Variants in SLC26A5 observed in about 807,000 individuals in gnomAD.
SLC26A5 encodes the protein solute carrier family 26 member 5, also known as prestin.
SLC26A5 carries 51 observed loss-of-function variants against 81.0 expected under a neutral mutation model. The ratio of observed to expected loss-of-function variants is 0.63; its 90% CI spans 0.50 to 0.80. The LOEUF (loss-of-function observed/expected upper bound fraction) is 0.80. Ranked by LOEUF, SLC26A5 falls within the 30% of genes least tolerant of loss-of-function variation. The pLI, the probability that SLC26A5 is intolerant of heterozygous loss-of-function variation, is 0.00. For missense variants in SLC26A5, 771 were observed against 905.8 expected, an observed-to-expected ratio of 0.85 and a Z score of 1.91; for synonymous variants, 325 against 332.8, an observed-to-expected ratio of 0.98 and a Z score of 0.25.
At chr7:103,416,329 A>T (rs1824905469) in intron 4 of SLC26A5, among the ~76,000 whole-genome samples, 1 of 152,204 alleles carries the variant, frequency 6.6e-6, no homozygotes, top group African/African-American at 2.4e-5. Context: ...GGGGACCCCC[A>T]CTTGTCACTA....
intron 14 of SLC26A5, among the ~76,000 whole-genome samples, chr7:103,387,941 C>A (rs148219410): frequency 2.2e-4 from 34 of 152,274 alleles, no homozygotes; most frequent in African/African-American, 7.5e-4. Context: ...CTTGGCCTCC[C>A]AAAGTGCTGG....
At position 103,431,461 on chromosome 7, in the gene SLC26A5, C is replaced by G. The variant is rs565725712; in HGVS notation, c.-53-9894G>C. Reference sequence around the variant, plus strand: ...CCTCAGCCTCTTGAGTAACTGGGATCACAGGCATGTGCCACCACAGCTGGC... The same window carrying G: ...CCTCAGCCTCTTGAGTAACTGGGATGACAGGCATGTGCCACCACAGCTGGC... On this transcript the variant is annotated intron_variant, in intron 2 of 19. Transcript: ENST00000306312. 9.2e-5 allele frequency among the ~76,000 whole-genome samples: 14 copies of G among 152,012 alleles called. No individual in the cohort carries two copies. In the South Asian group the frequency reaches 2.9e-3, roughly 32 times the overall value.
At chr7:103,393,988 T>C (rs756270349) in intron 9 of SLC26A5, among the ~76,000 whole-genome samples, 8 of 152,214 alleles carry the variant, frequency 5.3e-5, no homozygotes, top group Non-Finnish European at 8.8e-5. Flanking sequence ...CCCTGTGAAC[T>C]AGGCACCACT....
At chr7:103,431,421 C>T (rs1043986659) in intron 2 of SLC26A5, among the ~76,000 whole-genome samples, 2 of 151,864 alleles carry the variant, frequency 1.3e-5, no homozygotes, top group South Asian at 2.1e-4. Context: ...CTCCTGCACT[C>T]GAGCTGTTCT....
intron 19 of SLC26A5, among the ~76,000 whole-genome samples, chr7:103,356,302 A>G (rs1405573248): frequency 6.6e-6 from 1 of 152,216 alleles, no homozygotes; most frequent in African/African-American, 2.4e-5. Flanking sequence ...GTTACTATAC[A>G]CAGTGCTGTA....
intron 8 of SLC26A5, among the ~76,000 whole-genome samples, chr7:103,398,866 C>T (rs114845428): frequency 0.038 from 5,855 of 152,104 alleles, 388 homozygotes; most frequent in African/African-American, 0.13. Flanking sequence ...GTGATTCTGG[C>T]TCTTTTGATG....
intron 11 of SLC26A5, 109 bp downstream of exon 11, chr7:103,391,513 A>G (rs777909416): frequency 1.2e-4 from 106 of 848,362 alleles, no homozygotes; most frequent in Non-Finnish European, 2.0e-4. Context: ...TCACTGGAGC[A>G]TGGATCTGCA....
At chr7:103,391,337 T>C (rs2116479392) in intron 11 of SLC26A5, among the ~76,000 whole-genome samples, 1 of 152,370 alleles carries the variant, frequency 6.6e-6, no homozygotes. Context: ...CCATACTCAG[T>C]CTCAGGCTTT....
intron 14 of SLC26A5, among the ~76,000 whole-genome samples, chr7:103,384,810 G>T (rs570694804): frequency 3.3e-5 from 5 of 152,254 alleles, no homozygotes; most frequent in Admixed American, 6.5e-5. Context: ...ATTGATCTTT[G>T]CACAGAGCCA....
At chr7:103,407,825 T>G (rs1375109654) in intron 8 of SLC26A5, 26 bp downstream of exon 8, 1 of 1,613,018 alleles carries the variant, frequency 6.2e-7, no homozygotes, top group South Asian at 1.1e-5. Flanking sequence ...AGAAGCCGAG[T>G]AGGTCACTGA....
chr7:103,444,876 T>A (rs775059627), intron 1 of SLC26A5, among the ~76,000 whole-genome samples: 3 of 152,192 alleles, frequency 2.0e-5, no homozygotes, highest in Non-Finnish European at 4.4e-5. Context: ...CTGAAAGTCT[T>A]CTGATACAAA....
At chr7:103,380,007 T>C (rs1011316686) in intron 15 of SLC26A5, among the ~76,000 whole-genome samples, 5 of 152,008 alleles carry the variant, frequency 3.3e-5, no homozygotes, top group Non-Finnish European at 7.4e-5. Context: ...ACAAAACTAG[T>C]TTTAAAAGAT....
At chr7:103,373,601 G>A (rs1444770804), downstream of SLC26A5, among the ~76,000 whole-genome samples, 2 of 152,198 alleles carry the variant, frequency 1.3e-5, no homozygotes, top group East Asian at 1.9e-4. Flanking sequence ...GACATGACCA[G>A]TTGCAATGTA....
At chr7:103,352,894 G>T in exon 20 of SLC26A5, 1 of 780,762 alleles carries the variant, frequency 1.3e-6, no homozygotes, top group South Asian at 1.3e-5. Context: ...TTTCCCCTAC[G>T]GTCTCCATCT....
intron 19 of SLC26A5, chr7:103,361,948 C>T: frequency 6.3e-7 from 1 of 1,591,362 alleles, no homozygotes; most frequent in African/African-American, 1.4e-5. Flanking sequence ...AAGCTTTTTG[C>T]TGTGTTAGGT....
intron 19 of SLC26A5, among the ~76,000 whole-genome samples, chr7:103,361,510 C>CAAAAAAAAAAAAA (rs759044767): frequency 2.0e-5 from 1 of 51,096 alleles, no homozygotes; most frequent in East Asian, 5.8e-4. Context: ...AACTCCATCT[C>CAAAAAAAAAAAAA]AAAAAAAAAA....
chr7:103,359,441 A>C (rs1820248087), intron 19 of SLC26A5, among the ~76,000 whole-genome samples: 1 of 152,114 alleles, frequency 6.6e-6, no homozygotes, highest in Non-Finnish European at 1.5e-5. Context: ...TCCAGAATAG[A>C]ATATTTTTGT....
chr7:103,411,626 G>C (rs1209150160), intron 5 of SLC26A5, 40 bp from the exon 6 acceptor site: 1 of 1,611,626 alleles, frequency 6.2e-7, no homozygotes, highest in South Asian at 1.1e-5. Flanking sequence ...TCAGGGTTCA[G>C]AGTATCTGAT....
intron 2 of SLC26A5, chr7:103,435,035 G>T (rs1288085107): frequency 6.6e-6 from 1 of 152,204 alleles, no homozygotes; most frequent in African/African-American, 2.4e-5. Flanking sequence ...AAGGAACAAA[G>T]AAATCAGTAA....
Sources: gnomAD v4.1 joint callset for allele counts (sites outside exome capture counted in the v4.1 genomes callset) on GRCh38, gnomAD v4.1.1 for gene constraint, MANE v1.5 for transcripts, NCBI Gene and HGNC (gene_info 2026-07-23, HGNC 2026-07-21) for gene names.